Variants in MYPN observed in about 807,000 individuals in gnomAD.
MYPN encodes sarcomeric protein myopalladin, 145 kDa (MYOP).
In MYPN, 63 loss-of-function variants were observed where a neutral mutation model predicts 129.4. The observed-to-expected ratio is 0.49, with a 90% confidence interval of 0.40 to 0.60. The LOEUF (loss-of-function observed/expected upper bound fraction) is 0.60, where lower values mean the gene tolerates loss of function less well. Ranked by LOEUF, MYPN falls within the 20% of genes least tolerant of loss-of-function variation. The pLI is 0.00. For synonymous variants in MYPN, 629 were observed against 600.9 expected (o/e 1.05, Z -0.68); for missense variants, 1,596 against 1,635.4 (o/e 0.98, Z 0.42).
intron 6 of MYPN, among the ~76,000 whole-genome samples, chr10:68,157,794 A>T (rs369287517): frequency 6.6e-6 from 1 of 151,566 alleles, no homozygotes; most frequent in Non-Finnish European, 1.5e-5. Context: ...GTGAGCCATG[A>T]TCACAACACT....
intron 16 of MYPN, 27 bp from the exon 17 acceptor site, chr10:68,199,341 T>C (rs1489270270): frequency 6.2e-7 from 1 of 1,609,776 alleles, no homozygotes; most frequent in African/African-American, 1.3e-5. Context: ...ATCAGTCATG[T>C]GCCTCAGCTG....
At chr10:68,174,765 CTTA>C (rs1001263397) in intron 11 of MYPN, 109 bp downstream of exon 11, 7 of 1,008,194 alleles carry the variant, frequency 6.9e-6, no homozygotes, top group Non-Finnish European at 9.1e-6. Flanking sequence ...CCTAGATAAT[CTTA>C]TTCTCTTAGG....
intron 1 of MYPN, among the ~76,000 whole-genome samples, chr10:68,100,326 T>A (rs1252597593): frequency 6.6e-6 from 1 of 152,002 alleles, no homozygotes; most frequent in Non-Finnish European, 1.5e-5. Context: ...CAGAAATGAG[T>A]CCAGTTTGCA....
intron 2 of MYPN, among the ~76,000 whole-genome samples, chr10:68,126,477 A>G (rs1165179630): frequency 6.6e-6 from 1 of 152,200 alleles, no homozygotes; most frequent in Non-Finnish European, 1.5e-5. Flanking sequence ...AGAATAAGTC[A>G]CACCTGGAAA....
At chr10:68,107,707 A>G (rs2042030451), upstream of MYPN, among the ~76,000 whole-genome samples, 1 of 152,018 alleles carries the variant, frequency 6.6e-6, no homozygotes, top group Admixed American at 6.6e-5. Context: ...AATTCTTCAT[A>G]TAGATTCCTA....
intron 6 of MYPN, among the ~76,000 whole-genome samples, chr10:68,152,259 T>G (rs2042783920): frequency 6.6e-6 from 1 of 152,098 alleles, no homozygotes; most frequent in Admixed American, 6.6e-5. Flanking sequence ...TTATCAGACT[T>G]AAAGAGTCTG....
chr10:68,126,105 T>C (rs1052763542), intron 2 of MYPN, among the ~76,000 whole-genome samples: 1 of 152,004 alleles, frequency 6.6e-6, no homozygotes. Flanking sequence ...AGTGCAAAGC[T>C]CCCGAGGCAA....
intron 3 of MYPN, among the ~76,000 whole-genome samples, chr10:68,145,001 A>C (rs1356036052): frequency 2.0e-5 from 3 of 151,570 alleles, no homozygotes; most frequent in Non-Finnish European, 2.9e-5. Flanking sequence ...GTTGGGTGTT[A>C]GTGTAGTGAA....
intron 15 of MYPN, among the ~76,000 whole-genome samples, chr10:68,196,505 TGGG>T (rs34848454): frequency 2.3e-5 from 3 of 132,920 alleles, no homozygotes; most frequent in Non-Finnish European, 3.2e-5. Context: ...TTTTTTGAGA[TGGG>T]GGTCTCACTC....
At chr10:68,201,797 AAG>A (rs1209476639) in intron 17 of MYPN, 30 bp from the exon 18 acceptor site, 1 of 1,608,718 alleles carries the variant, frequency 6.2e-7, no homozygotes, top group East Asian at 2.2e-5. Flanking sequence ...AAAAAAAAGA[AAG>A]AAAAAAAGAA....
intron 12 of MYPN, among the ~76,000 whole-genome samples, chr10:68,183,023 T>TA: frequency 6.6e-6 from 1 of 152,334 alleles, no homozygotes; most frequent in South Asian, 2.1e-4. Context: ...GGCCCCAACT[T>TA]AAAATCAAGT....
chr10:68,113,368 CT>C (rs1051144353), intron 1 of MYPN, among the ~76,000 whole-genome samples: 6 of 152,134 alleles, frequency 3.9e-5, no homozygotes, highest in Non-Finnish European at 7.4e-5. Flanking sequence ...CATGAATGTG[CT>C]TCCCACATTA....
chr10:68,105,062 C>T (rs1381891539), upstream of MYPN, among the ~76,000 whole-genome samples: 2 of 152,192 alleles, frequency 1.3e-5, no homozygotes, highest in East Asian at 3.9e-4. Context: ...GGATTATAGG[C>T]ATGAGCCACC....
At chr10:68,159,263 C>T (rs757705573) in intron 7 of MYPN, among the ~76,000 whole-genome samples, 1 of 152,102 alleles carries the variant, frequency 6.6e-6, no homozygotes, top group Non-Finnish European at 1.5e-5. Flanking sequence ...CTAGGTCTGC[C>T]CCAGTTGAAC....
At chr10:68,124,641 G>A (rs1445541617) in intron 2 of MYPN, among the ~76,000 whole-genome samples, 2 of 152,220 alleles carry the variant, frequency 1.3e-5, no homozygotes, top group African/African-American at 4.8e-5. Flanking sequence ...CTTGAGGGCA[G>A]GGATTCTGTT....
chr10:68,182,256 TATATATATAACATATATATAACACAC>T (rs2043326978), intron 12 of MYPN, among the ~76,000 whole-genome samples: 6 of 59,760 alleles, frequency 1.0e-4, no homozygotes, highest in Non-Finnish European at 1.5e-4. Flanking sequence ...ATAACACACA[TATATATATAACATATATATAACACAC>T]ATATATATAT....
In MYPN at chr10:68,211,865, C is replaced by T. The variant is rs961914285; in HGVS notation, c.*1410C>T. 3 of 452,934 alleles carry T rather than the reference C, an allele frequency of 6.6e-6. No homozygotes were observed. In the East Asian group the frequency reaches 2.1e-4, roughly 31 times the overall value. 28.1% of individuals were successfully genotyped at this position (452,934 alleles called of 1,614,324 possible). ...ATTGCAGGTGTCTGTTTTCAATTCCCTGTGCTGGAATCCCTGGTGCTGTCT... is the reference window on the plus strand; with the variant it reads ...ATTGCAGGTGTCTGTTTTCAATTCCTTGTGCTGGAATCCCTGGTGCTGTCT... On this transcript the variant is annotated 3_prime_UTR_variant, in exon 20 of 20. Transcript: ENST00000358913.
chr10:68,196,485 T>TC (rs1016504600), intron 15 of MYPN, among the ~76,000 whole-genome samples: 4 of 99,600 alleles, frequency 4.0e-5, no homozygotes, highest in African/African-American at 1.2e-4. Flanking sequence ...TTCTTCTTCT[T>TC]TTTTTTTTTT....
rs544772150 is a variant in MYPN at position 68,181,630 on chromosome 10, G to A, written c.2703+6169G>A. On this transcript the variant is annotated intron_variant, in intron 12 of 19. Coordinates refer to ENST00000358913, the MANE Select transcript of MYPN (RefSeq NM_032578.4). Reference sequence around the variant, plus strand: ...ATTCCTTCCTTTCTTGATCTTGAAAGGACCTAAGCTGATGCCACATTGACT... The same window carrying A: ...ATTCCTTCCTTTCTTGATCTTGAAAAGACCTAAGCTGATGCCACATTGACT... Among the ~76,000 whole-genome samples the A allele has an allele frequency of 2.3e-4, 35 of 152,224 alleles. No homozygotes were observed. In the South Asian group the frequency reaches 6.8e-3, roughly 30 times the overall value.
Sources: gnomAD v4.1 joint callset for allele counts (sites outside exome capture counted in the v4.1 genomes callset) on GRCh38, gnomAD v4.1.1 for gene constraint, MANE v1.5 for transcripts, NCBI Gene and HGNC (gene_info 2026-07-23, HGNC 2026-07-21) for gene names.